The following DTHD1 variants were observed in gnomAD, a reference collection of about 807,000 sequenced individuals.
The protein encoded by DTHD1 is death domain-containing protein 1.
In DTHD1, 59 loss-of-function variants were observed where a neutral mutation model predicts 74.8. That is an observed-to-expected ratio of 0.79 (90% confidence interval 0.64 to 0.98). DTHD1 has a LOEUF of 0.98. Among genes scored for constraint, DTHD1 ranks in the 50% least tolerant of loss-of-function variants. The pLI is 0.00. For synonymous variants in DTHD1, 365 were observed against 371.1 expected (o/e 0.98, Z 0.19); for missense variants, 1,051 against 1,065.4 (o/e 0.99, Z 0.19).
rs956537083 is a variant in DTHD1, at chr4:36,284,286, T to C, written c.582T>C (p.Asn194=). ...CAGCATTAGTGGAAAAAGAAAACAATACATCACTGAATGGACGTGTACTGG... is the reference window on the plus strand; with the variant it reads ...CAGCATTAGTGGAAAAAGAAAACAACACATCACTGAATGGACGTGTACTGG... ...MSSALVEKEN[N]TSLNGRVLGQ... is the part of the protein sequence containing the mutation. The change falls in exon 2 of 10, where the codon AAT becomes AAC. Residue 194 remains asparagine, a synonymous_variant. Transcript: ENST00000639862. 1.3e-6 allele frequency: 2 copies of C among 1,537,012 alleles called. No individual in the cohort carries two copies. Among genetic ancestry groups the C allele is most frequent in the South Asian group, 2.4e-5 (2 of 84,054 alleles).
chr4:36,297,719 A>G (rs559573755), intron 5 of DTHD1, among the ~76,000 whole-genome samples: 131 of 152,204 alleles, frequency 8.6e-4, no homozygotes, highest in African/African-American at 3.0e-3. Context: ...TATGTCTGGG[A>G]ATAGATATTA....
chr4:36,311,999 T>A (rs1010168697), intron 7 of DTHD1, among the ~76,000 whole-genome samples: 2 of 152,224 alleles, frequency 1.3e-5, no homozygotes, highest in Non-Finnish European at 2.9e-5. Flanking sequence ...ACATGGACTG[T>A]ATTTCTATCT....
At chr4:36,306,385 T>C in intron 6 of DTHD1, 33 bp downstream of exon 6, 9 of 1,508,506 alleles carry the variant, frequency 6.0e-6, no homozygotes, top group Non-Finnish European at 8.0e-6. Context: ...AAGTTGATGA[T>C]ACTCTTTCTG....
In DTHD1 at chr4:36,347,135, T is replaced by C. The variant is rs1217899751; in HGVS notation, c.*3311T>C. On this transcript the variant is annotated 3_prime_UTR_variant, in exon 10 of 10. Transcript: ENST00000639862. Reference sequence around the variant, plus strand: ...TTATATATACAGTTTTTAAAATTACTGTCTTATTAAATTATGAGTTTTTAA... The same window carrying C: ...TTATATATACAGTTTTTAAAATTACCGTCTTATTAAATTATGAGTTTTTAA... 2.0e-5 allele frequency among the ~76,000 whole-genome samples: 3 copies of C among 152,188 alleles called. No individual in the cohort carries two copies. The highest frequency in any genetic ancestry group is 7.2e-5 in the African/African-American group (3 of 41,460).
intron 8 of DTHD1, among the ~76,000 whole-genome samples, chr4:36,318,958 G>T (rs1009529318): frequency 6.6e-5 from 10 of 152,050 alleles, no homozygotes; most frequent in Non-Finnish European, 1.3e-4. Flanking sequence ...TGCACCATAC[G>T]GCCGTTACTT....
At chr4:36,309,969 G>A (rs992152386) in intron 7 of DTHD1, among the ~76,000 whole-genome samples, 4 of 152,230 alleles carry the variant, frequency 2.6e-5, no homozygotes, top group African/African-American at 9.6e-5. Context: ...TTCTGTTTCT[G>A]CATTAATTTG....
intron 8 of DTHD1, among the ~76,000 whole-genome samples, chr4:36,331,142 T>C (rs1208820940): frequency 6.6e-6 from 1 of 152,206 alleles, no homozygotes; most frequent in South Asian, 2.1e-4. Flanking sequence ...ATTTTGTTAC[T>C]AAAATACACA....
intron 4 of DTHD1, among the ~76,000 whole-genome samples, 189 bp downstream of exon 4, chr4:36,293,894 T>C (rs1434441847): frequency 1.3e-5 from 2 of 152,150 alleles, no homozygotes; most frequent in African/African-American, 4.8e-5. Flanking sequence ...TAAATCTCAT[T>C]AAAAATAAAT....
intron 8 of DTHD1, among the ~76,000 whole-genome samples, chr4:36,323,612 G>T (rs970158589): frequency 1.5e-5 from 2 of 129,190 alleles, no homozygotes; most frequent in African/African-American, 5.0e-5. Context: ...CACATTAGAA[G>T]AAATTCCTAT....
rs1227171514 is a variant in DTHD1 at position 36,284,459 on chromosome 4, A to G, written c.755A>G (p.Glu252Gly). ...CAGACAACAGAGACAGAAATTCAAG[A>G]GACTTCAGAAAGCCCAAGAGAAGAG... is the stretch of plus-strand genomic sequence containing the variant. ...IIQTTETEIQ[E>G]TSESPREEMT... Residue 252 changes from glutamate to glycine, a missense_variant, in exon 2 of 10, where the codon GAG becomes GGG. Coordinates refer to ENST00000639862, the MANE Select transcript of DTHD1 (RefSeq NM_001170700.3). 6.5e-7 allele frequency: 1 copy of G among 1,537,138 alleles called. No individual in the cohort carries two copies. The highest frequency in any genetic ancestry group is 2.4e-5 in the East Asian group (1 of 40,902).
chr4:36,342,416 G>T (rs1246041727), intron 9 of DTHD1, among the ~76,000 whole-genome samples: 1 of 152,156 alleles, frequency 6.6e-6, no homozygotes, highest in Admixed American at 6.6e-5. Flanking sequence ...TGGTGCAGGG[G>T]TGAGCATGAA....
intron 8 of DTHD1, among the ~76,000 whole-genome samples, chr4:36,317,179 C>G (rs747539001): frequency 1.3e-5 from 2 of 152,152 alleles, no homozygotes; most frequent in African/African-American, 4.8e-5. Context: ...CTATGACTAG[C>G]AGGAATGTGT....
chr4:36,342,505 C>T (rs1357284457), intron 9 of DTHD1, among the ~76,000 whole-genome samples: 3 of 152,044 alleles, frequency 2.0e-5, no homozygotes, highest in Non-Finnish European at 4.4e-5. Flanking sequence ...AGGTTTTATT[C>T]AGAGTTATGG....
intron 2 of DTHD1, among the ~76,000 whole-genome samples, chr4:36,289,971 A>T (rs1222665895): frequency 2.0e-5 from 3 of 152,168 alleles, no homozygotes; most frequent in African/African-American, 7.2e-5. Flanking sequence ...CAATTGAGGA[A>T]ATTATTCAAG....
At chr4:36,310,036 C>T (rs1757301103) in intron 7 of DTHD1, among the ~76,000 whole-genome samples, 1 of 152,100 alleles carries the variant, frequency 6.6e-6, no homozygotes, top group Non-Finnish European at 1.5e-5. Context: ...TGATTTTGTT[C>T]TTTTTTGTGG....
chr4:36,297,358 C>A (rs148077790), intron 5 of DTHD1, among the ~76,000 whole-genome samples: 24 of 152,202 alleles, frequency 1.6e-4, no homozygotes, highest in Admixed American at 1.2e-3. Flanking sequence ...ATGTATAACA[C>A]CATATCATCT....
chr4:36,339,343 C>G (rs1309812284), intron 9 of DTHD1, among the ~76,000 whole-genome samples, 174 bp downstream of exon 9: 2 of 152,152 alleles, frequency 1.3e-5, no homozygotes, highest in African/African-American at 4.8e-5. Context: ...ACAAATAAAC[C>G]AAACTAGCAT....
intron 8 of DTHD1, among the ~76,000 whole-genome samples, chr4:36,326,350 A>C (rs1758342830): frequency 6.6e-6 from 1 of 150,382 alleles, no homozygotes; most frequent in Non-Finnish European, 1.5e-5. Flanking sequence ...AATAATGATG[A>C]ATACCTACTA....
At chr4:36,337,093 AC>A (rs1019890317) in intron 8 of DTHD1, among the ~76,000 whole-genome samples, 5 of 152,148 alleles carry the variant, frequency 3.3e-5, no homozygotes, top group African/African-American at 1.2e-4. Context: ...CTTGTAGCTG[AC>A]CCTGAGCACC....
Sources: gnomAD v4.1 joint callset for allele counts (sites outside exome capture counted in the v4.1 genomes callset) on GRCh38, gnomAD v4.1.1 for gene constraint, MANE v1.5 for transcripts, NCBI Gene and HGNC (gene_info 2026-07-23, HGNC 2026-07-21) for gene names.